LRP1B: variants seen among roughly 807,000 people sequenced by gnomAD.
LRP1B encodes the protein low-density lipoprotein receptor-related protein 1B.
A neutral mutation model predicts 556.6 loss-of-function variants in LRP1B; 217 were observed. The ratio of observed to expected loss-of-function variants is 0.39; its 90% confidence interval spans 0.35 to 0.44. The LOEUF (loss-of-function observed/expected upper bound fraction) is 0.44. Ranked by LOEUF, LRP1B falls within the 20% of genes least tolerant of loss-of-function variation. LRP1B has a pLI of 1.00. For missense variants in LRP1B, 5,053 were observed against 5,620.8 expected (o/e 0.90, Z 3.23); for synonymous variants, 2,047 against 1,865.8 (o/e 1.10, Z -2.50).
intron 59 of LRP1B, among the ~76,000 whole-genome samples, chr2:140,480,716 C>G (rs564254312): frequency 6.6e-6 from 1 of 152,248 alleles, no homozygotes; most frequent in East Asian, 1.9e-4. Context: ...CCTGGGATTA[C>G]AGGCTTGAAC....
intron 1 of LRP1B, among the ~76,000 whole-genome samples, chr2:141,842,417 T>C (rs1697507531): frequency 1.3e-5 from 2 of 152,084 alleles, no homozygotes; most frequent in South Asian, 4.1e-4. Context: ...ATTTGAACCT[T>C]ACTTTTCAAA....
intron 1 of LRP1B, among the ~76,000 whole-genome samples, chr2:141,817,370 G>T (rs1224191201): frequency 6.6e-6 from 1 of 152,060 alleles, no homozygotes; most frequent in African/African-American, 2.4e-5. Context: ...AACATGAAAA[G>T]ATTAGGACAA....
intron 1 of LRP1B, among the ~76,000 whole-genome samples, chr2:141,916,044 A>G (rs1264939134): frequency 6.6e-6 from 1 of 152,202 alleles, no homozygotes; most frequent in East Asian, 1.9e-4. Flanking sequence ...TAAAACAGAA[A>G]TACCATTTGA....
Position 140,245,497 on chromosome 2 carries a change from G to A in LRP1B, c.13324+1589C>T, listed in dbSNP as rs567939043. 1.7e-4 allele frequency among the ~76,000 whole-genome samples: 25 copies of A among 151,000 alleles called. No homozygotes were observed. In the South Asian group the frequency reaches 1.9e-3, roughly 11 times the overall value. ...TAAAAAGGCTGTTTTCTTTATATTC[G>A]ATCATTGAGAAACTACCATTAAAAA... On this transcript the variant is annotated intron_variant, in intron 87 of 90. Coordinates refer to ENST00000389484, the MANE Select transcript of LRP1B (RefSeq NM_018557.3).
intron 1 of LRP1B, among the ~76,000 whole-genome samples, chr2:141,989,050 T>C (rs1702274469): frequency 2.0e-5 from 3 of 152,080 alleles, no homozygotes; most frequent in Non-Finnish European, 2.9e-5. Context: ...TTTGTGAAAC[T>C]TCTTTATCCA....
At chr2:141,310,657 G>T (rs1686779472) in intron 3 of LRP1B, among the ~76,000 whole-genome samples, 1 of 151,904 alleles carries the variant, frequency 6.6e-6, no homozygotes, top group African/African-American at 2.4e-5. Flanking sequence ...ACACAAAGAA[G>T]ACTGAAGGAA....
intron 7 of LRP1B, among the ~76,000 whole-genome samples, chr2:141,134,145 C>T (rs890950105): frequency 1.6e-4 from 25 of 151,754 alleles, no homozygotes; most frequent in African/African-American, 5.8e-4. Context: ...TCTACTCATG[C>T]ACTGCCTTAA....
At chr2:141,565,977 CTTATT>C (rs1460702153) in intron 2 of LRP1B, among the ~76,000 whole-genome samples, 1 of 151,860 alleles carries the variant, frequency 6.6e-6, no homozygotes, top group Non-Finnish European at 1.5e-5. Context: ...AGCTGCTTTT[CTTATT>C]TTATAAGAGA....
chr2:141,571,300 CT>C (rs1686519856), intron 2 of LRP1B, among the ~76,000 whole-genome samples: 1 of 150,718 alleles, frequency 6.6e-6, no homozygotes, highest in Non-Finnish European at 1.5e-5. Flanking sequence ...CCCCAGCAAA[CT>C]GCAGCAGCCC....
At chr2:141,813,030 G>C (rs913234820) in intron 1 of LRP1B, among the ~76,000 whole-genome samples, 1 of 152,076 alleles carries the variant, frequency 6.6e-6, no homozygotes, top group Non-Finnish European at 1.5e-5. Flanking sequence ...CGAATAAATA[G>C]TGAATGTTTT....
chr2:140,646,995 G>T (rs773700140), intron 41 of LRP1B, among the ~76,000 whole-genome samples: 30 of 151,990 alleles, frequency 2.0e-4, no homozygotes, highest in Non-Finnish European at 3.4e-4. Context: ...ACAAATGAAA[G>T]GATTCAATCA....
chr2:141,778,523 A>T (rs17803075), intron 2 of LRP1B, among the ~76,000 whole-genome samples: 1,851 of 152,306 alleles, frequency 0.012, 25 homozygotes, highest in Middle Eastern at 0.024. Context: ...CTTCACAGGC[A>T]AAGTGGAAAC....
chr2:141,517,076 G>C (rs1294781454), intron 2 of LRP1B, among the ~76,000 whole-genome samples: 1 of 145,408 alleles, frequency 6.9e-6, no homozygotes. Context: ...TTAAGTAGAA[G>C]TCAAATTCTC....
chr2:140,762,869 T>G (rs1004573602), intron 35 of LRP1B, among the ~76,000 whole-genome samples: 1 of 152,086 alleles, frequency 6.6e-6, no homozygotes, highest in Non-Finnish European at 1.5e-5. Flanking sequence ...GATTAATACA[T>G]ATTCAGTTTT....
chr2:141,910,528 G>A (rs1435991578), intron 1 of LRP1B, among the ~76,000 whole-genome samples: 1 of 151,932 alleles, frequency 6.6e-6, no homozygotes, highest in African/African-American at 2.4e-5. Flanking sequence ...ATGCATTTTG[G>A]TAAGATATGG....
chr2:140,768,486 A>G (rs1438246815), intron 35 of LRP1B, among the ~76,000 whole-genome samples: 2 of 152,076 alleles, frequency 1.3e-5, no homozygotes, highest in African/African-American at 2.4e-5. Context: ...TTAAGCCCTC[A>G]AGTTGAAGAT....
intron 83 of LRP1B, among the ~76,000 whole-genome samples, chr2:140,309,760 T>TAA (rs1684215481): frequency 6.6e-6 from 1 of 151,826 alleles, no homozygotes; most frequent in African/African-American, 2.4e-5. Context: ...TACAAAAGTA[T>TAA]AAAGAAAGAT....
rs555858883 is a variant in LRP1B, at chr2:141,212,440, G to A, written c.850+16743C>T. On this transcript the variant is annotated intron_variant, in intron 6 of 90. Transcript: ENST00000389484. ...ACTACAGGCTTCCACCACCACGCCC[G>A]GATAATTTTTTTTTTTTTGTATTTT... Among the ~76,000 whole-genome samples the A allele has an allele frequency of 1.9e-3, 279 of 148,438 alleles. 4 individuals carry two copies. Among genetic ancestry groups the A allele is most frequent in the East Asian group, 0.017 (83 of 4,918 alleles).
At chr2:141,764,662 G>A (rs1465212915) in intron 2 of LRP1B, among the ~76,000 whole-genome samples, 1 of 151,170 alleles carries the variant, frequency 6.6e-6, no homozygotes, top group Non-Finnish European at 1.5e-5. Context: ...CTAAAACTGT[G>A]AGACAATACA....
Sources: allele counts gnomAD v4.1 joint callset (sites outside exome capture counted in the v4.1 genomes callset), GRCh38; gene constraint gnomAD v4.1.1; transcripts MANE v1.5; gene names NCBI Gene and HGNC (gene_info 2026-07-23, HGNC 2026-07-21).